Variants in LARS2 observed in about 807,000 individuals in gnomAD.
The protein encoded by LARS2 is leucyl-tRNA synthetase 2, mitochondrial, also known as leucine--tRNA ligase, mitochondrial.
A neutral mutation model predicts 116.6 loss-of-function variants in LARS2; 81 were observed. That is an observed-to-expected ratio of 0.69 (90% CI 0.58 to 0.84). The LOEUF is 0.84. LARS2 is among the 40% of genes least tolerant of loss of function. The pLI, the probability that LARS2 is intolerant of heterozygous loss-of-function variation, is 0.00. For missense variants in LARS2, 968 were observed against 1,114.5 expected, an observed-to-expected ratio of 0.87 and a Z score of 1.87; for synonymous variants, 396 against 407.2, an observed-to-expected ratio of 0.97 and a Z score of 0.33.
intron 14 of LARS2, among the ~76,000 whole-genome samples, chr3:45,499,208 G>A (rs531458181): frequency 6.0e-4 from 92 of 152,274 alleles, no homozygotes; most frequent in African/African-American, 2.1e-3. Flanking sequence ...TTGGGAGGCC[G>A]AGTTAGGCAG....
At chr3:45,542,252 T>C (rs1257857788) in intron 21 of LARS2, among the ~76,000 whole-genome samples, 1 of 152,196 alleles carries the variant, frequency 6.6e-6, no homozygotes, top group African/African-American at 2.4e-5. Flanking sequence ...TTATCTTCCT[T>C]TCCAACTGTG....
intron 18 of LARS2, 112 bp from the exon 19 acceptor site, chr3:45,520,107 A>G: frequency 1.4e-6 from 1 of 707,220 alleles, no homozygotes; most frequent in Non-Finnish European, 2.5e-6. Context: ...ATATTTATAA[A>G]TATCTTTGCA....
intron 20 of LARS2, among the ~76,000 whole-genome samples, chr3:45,528,893 G>A (rs1300338658): frequency 6.7e-6 from 1 of 150,054 alleles, no homozygotes; most frequent in African/African-American, 2.5e-5. Flanking sequence ...TTTTGGAGAT[G>A]GAGTCTCACT....
chr3:45,401,271 G>T (rs1338390102), intron 4 of LARS2, among the ~76,000 whole-genome samples: 1 of 152,134 alleles, frequency 6.6e-6, no homozygotes, highest in East Asian at 1.9e-4. Flanking sequence ...GGAGGCCCAG[G>T]CAGGAGGATT....
intron 15 of LARS2, among the ~76,000 whole-genome samples, chr3:45,503,131 G>T (rs1272121946): frequency 1.3e-5 from 2 of 151,878 alleles, no homozygotes; most frequent in African/African-American, 4.8e-5. Flanking sequence ...GTTGCCTGGA[G>T]ATGCTACCAA....
At chr3:45,434,901 G>A (rs1263040645) in intron 6 of LARS2, among the ~76,000 whole-genome samples, 1 of 152,198 alleles carries the variant, frequency 6.6e-6, no homozygotes, top group African/African-American at 2.4e-5. Flanking sequence ...CCCTGACTGT[G>A]AGTGGAAAAG....
At chr3:45,493,512 T>C (rs1292982797) in intron 13 of LARS2, among the ~76,000 whole-genome samples, 1 of 152,156 alleles carries the variant, frequency 6.6e-6, no homozygotes, top group Non-Finnish European at 1.5e-5. Flanking sequence ...TGTGGATTCC[T>C]TACCCTTGAA....
chr3:45,462,818 T>C (rs188128075), intron 8 of LARS2, among the ~76,000 whole-genome samples: 151 of 152,308 alleles, frequency 9.9e-4, no homozygotes, highest in African/African-American at 3.5e-3. Flanking sequence ...TTCCTAATTT[T>C]AAAGACAGTG....
At chr3:45,480,266 G>C (rs1298235290) in intron 10 of LARS2, among the ~76,000 whole-genome samples, 2 of 152,244 alleles carry the variant, frequency 1.3e-5, no homozygotes, top group Non-Finnish European at 2.9e-5. Flanking sequence ...TGTGCACTGT[G>C]ACTGTCTGAG....
chr3:45,543,023 G>A (rs1700820919), intron 21 of LARS2, among the ~76,000 whole-genome samples: 1 of 152,268 alleles, frequency 6.6e-6, no homozygotes, highest in Non-Finnish European at 1.5e-5. Context: ...CACCTGTGCA[G>A]ACCCAAGGCC....
chr3:45,506,064 T>C (rs1422318571), intron 15 of LARS2, among the ~76,000 whole-genome samples: 10 of 152,130 alleles, frequency 6.6e-5, no homozygotes, highest in African/African-American at 2.4e-4. Context: ...GGAACAACTA[T>C]ATGGTGTAAA....
chr3:45,444,738 C>G (rs955387150), intron 6 of LARS2, among the ~76,000 whole-genome samples: 1 of 147,860 alleles, frequency 6.8e-6, no homozygotes, highest in Non-Finnish European at 1.5e-5. Context: ...GAAGCAGATT[C>G]ATCGGCTTAG....
intron 20 of LARS2, among the ~76,000 whole-genome samples, chr3:45,536,985 T>C (rs1575320343): frequency 6.6e-6 from 1 of 152,238 alleles, no homozygotes; most frequent in East Asian, 1.9e-4. Context: ...AACCAGTGAA[T>C]GTAGTGATGG....
intron 15 of LARS2, among the ~76,000 whole-genome samples, chr3:45,505,737 A>G (rs1700192506): frequency 6.6e-6 from 1 of 152,060 alleles, no homozygotes; most frequent in Admixed American, 6.6e-5. Flanking sequence ...TCTGGAAACA[A>G]AGACCATATG....
intron 8 of LARS2, among the ~76,000 whole-genome samples, chr3:45,473,649 G>A (rs1409564636): frequency 6.7e-6 from 1 of 150,146 alleles, no homozygotes; most frequent in African/African-American, 2.4e-5. Context: ...CTGCCAAAGT[G>A]CTGATATTAC....
chr3:45,463,393 T>A (rs1013290686), intron 8 of LARS2, among the ~76,000 whole-genome samples: 3 of 152,234 alleles, frequency 2.0e-5, no homozygotes, highest in Admixed American at 2.0e-4. Flanking sequence ...TTGGTGGTTA[T>A]GTTTTCAGGA....
At chr3:45,398,279 G>A (rs1391029773) in intron 3 of LARS2, among the ~76,000 whole-genome samples, 2 of 152,154 alleles carry the variant, frequency 1.3e-5, no homozygotes, top group Admixed American at 6.5e-5. Flanking sequence ...AGAAGTTTAC[G>A]AACTCCTTGG....
At chr3:45,426,855 C>T (rs1420153798) in intron 6 of LARS2, among the ~76,000 whole-genome samples, 2 of 152,132 alleles carry the variant, frequency 1.3e-5, no homozygotes, top group East Asian at 1.9e-4. Flanking sequence ...GTCATGAGCC[C>T]AGTCAGGTCA....
At chr3:45,473,593 A>T (rs1398507662) in intron 8 of LARS2, among the ~76,000 whole-genome samples, 2 of 151,742 alleles carry the variant, frequency 1.3e-5, no homozygotes, top group East Asian at 3.9e-4. Flanking sequence ...CATGTTGGCC[A>T]GGCTGGTCTC....
Sources: gnomAD v4.1 joint callset for allele counts (sites outside exome capture counted in the v4.1 genomes callset) on GRCh38, gnomAD v4.1.1 for gene constraint, MANE v1.5 for transcripts, NCBI Gene and HGNC (gene_info 2026-07-23, HGNC 2026-07-21) for gene names.